ZFAND4: variants seen among roughly 807,000 people sequenced by gnomAD.
The protein encoded by ZFAND4 is zinc finger AN1-type containing 4, also known as AN1-type zinc finger protein 4.
ZFAND4 carries 43 observed loss-of-function variants against 64.4 expected under a neutral mutation model. That is an observed-to-expected ratio of 0.67 (90% CI 0.52 to 0.86). The LOEUF is 0.86. Among genes scored for constraint, ZFAND4 ranks in the 40% least tolerant of loss-of-function variants. The probability of loss-of-function intolerance (pLI) is 0.00; values close to 1 mark genes in which losing one functional copy is unlikely to be tolerated. For synonymous variants in ZFAND4, 296 were observed against 305.7 expected (o/e 0.97, Z 0.33); for missense variants, 929 against 859.8 (o/e 1.08, Z -1.01).
At chr10:45,661,697 T>C (rs1339363516) in intron 2 of ZFAND4, among the ~76,000 whole-genome samples, 2 of 152,102 alleles carry the variant, frequency 1.3e-5, no homozygotes, top group South Asian at 2.1e-4. Context: ...TCCCAGCACT[T>C]TGGGAGGCCG....
rs1294324071 is a variant in ZFAND4, at chr10:45,626,110, G to A, written c.1713C>T (p.Ala571=). 8 of 1,613,980 alleles carry A rather than the reference G, an allele frequency of 5.0e-6. No homozygotes were observed. Among genetic ancestry groups the A allele is most frequent in the Non-Finnish European group, 6.8e-6 (8 of 1,180,050 alleles). Residue 571 remains alanine, a synonymous_variant, in exon 7 of 10, where the codon GCC becomes GCT. Transcript: ENST00000344646. ...VGCVNNISFL[A]SLAGSTSRNR... ...TTCTGCTTGTGCTCCCGGCCAGTGA[G>A]GCAAGAAAACTGATATTATTTACAC... is the stretch of plus-strand genomic sequence containing the variant.
At chr10:45,666,516 T>C (rs942401400) in intron 1 of ZFAND4, among the ~76,000 whole-genome samples, 1 of 150,570 alleles carries the variant, frequency 6.6e-6, no homozygotes, top group Non-Finnish European at 1.5e-5. Context: ...TAGTATCTTT[T>C]GAAACACAAA....
chr10:45,640,373 T>C, intron 5 of ZFAND4: 1 of 1,272,144 alleles, frequency 7.9e-7, no homozygotes, highest in Non-Finnish European at 1.0e-6. Context: ...TTTTTAAATT[T>C]GGCACGGGAG....
intron 4 of ZFAND4, chr10:45,651,723 C>A (rs748189344): frequency 8.6e-6 from 5 of 580,714 alleles, no homozygotes; most frequent in African/African-American, 3.7e-5. Context: ...CCTATACTGG[C>A]AAAAGGTTTA....
intron 2 of ZFAND4, among the ~76,000 whole-genome samples, 196 bp from the exon 3 acceptor site, chr10:45,653,255 C>T (rs1445126290): frequency 6.6e-6 from 1 of 152,152 alleles, no homozygotes; most frequent in Non-Finnish European, 1.5e-5. Flanking sequence ...CCAATCCATT[C>T]ACTGTAGAAA....
At position 45,663,760 on chromosome 10, in the gene ZFAND4, G is replaced by A. The variant is rs371448473; in HGVS notation, c.-35C>T. 3.1e-5 allele frequency: 47 copies of A among 1,537,984 alleles called. No homozygotes were observed. The highest frequency in any genetic ancestry group is 1.8e-4 in the Middle Eastern group (1 of 5,484). The stretch of plus-strand genomic sequence containing the variant: ...TTTTCTAGTTCTTCTAAAATATGTC[G>A]CAGGCAACTGTATTCCAGTTCTAGG... On this transcript the variant is annotated 5_prime_UTR_variant, in exon 2 of 10. It introduces an in-frame stop codon into an upstream open reading frame of the 5' UTR. Transcript: ENST00000344646.
Position 45,625,996 on chromosome 10 carries a change from GT to G in ZFAND4, c.1826del (p.Asn609ThrfsTer9), listed in dbSNP as rs868554096. 6.2e-7 allele frequency: 1 copy of G among 1,614,084 alleles called. No homozygotes were observed. The highest frequency in any genetic ancestry group is 1.3e-5 in the African/African-American group (1 of 75,030). On this transcript the variant is annotated frameshift_variant, in exon 7 of 10. Transcript: ENST00000344646. LOFTEE classifies it high-confidence loss of function. Reference protein sequence around the residue: ...STNLQHFQEENFRKSSPQLEH... With the variant: ...STNLQHFQEEXFRKSSPQLEH... ...CTAACTGGGGAGAACTTTTCCTAAA[GT>G]TTTCTTCCTGAAAATGCTGGAGGTT...
At chr10:45,642,804 T>C (rs1157819940) in intron 5 of ZFAND4, among the ~76,000 whole-genome samples, 1 of 151,438 alleles carries the variant, frequency 6.6e-6, no homozygotes, top group Non-Finnish European at 1.5e-5. Context: ...GTTAACATAC[T>C]AATTTATAAA....
chr10:45,629,384 A>T (rs2046056651), intron 6 of ZFAND4, among the ~76,000 whole-genome samples: 3 of 152,286 alleles, frequency 2.0e-5, no homozygotes, highest in Admixed American at 6.5e-5. Context: ...AGGATAAAGG[A>T]GGTAGCTTCA....
chr10:45,651,160 G>A (rs927168906), intron 4 of ZFAND4: 3 of 155,572 alleles, frequency 1.9e-5, no homozygotes, highest in Admixed American at 6.3e-5. Context: ...CCACAGAAGA[G>A]GATGCTCTGA....
chr10:45,645,919 C>A (rs867878576), intron 5 of ZFAND4, among the ~76,000 whole-genome samples: 1 of 151,820 alleles, frequency 6.6e-6, no homozygotes, highest in Non-Finnish European at 1.5e-5. Flanking sequence ...TAAAAATGAT[C>A]AATATGTTCA....
Position 45,626,999 on chromosome 10 carries a change from A to G in ZFAND4, c.824T>C (p.Ile275Thr), listed in dbSNP as rs140742253. Residue 275 changes from isoleucine (I) to threonine (T), a missense_variant, in exon 7 of 10, where the codon ATT becomes ACT. Physicochemically the swap from Ile to Thr is moderately conservative, Grantham distance 89 (BLOSUM62 -1). Coordinates refer to ENST00000344646, the MANE Select transcript of ZFAND4 (RefSeq NM_174890.4). ...AAAAGCAGGTGAACAAGATTGACCA[A>G]TGTTGGGGAGGACCCTTAACAATCG... is the stretch of plus-strand genomic sequence containing the variant. The part of the protein sequence containing the change: ...RHRLLRVLPN[I>T]GQSCSPAFGN... The G allele has an allele frequency of 1.4e-5, 22 of 1,613,442 alleles. 1 individual carries two copies. The highest frequency in any genetic ancestry group is 1.6e-4 in the Middle Eastern group (1 of 6,082).
chr10:45,621,353 G>A (rs1030121182), intron 8 of ZFAND4, among the ~76,000 whole-genome samples: 2 of 151,414 alleles, frequency 1.3e-5, no homozygotes, highest in Non-Finnish European at 2.9e-5. Context: ...GCAGCTAGCA[G>A]CTGATACTTC....
At position 45,660,019 on chromosome 10, in the gene ZFAND4, A is replaced by G. The variant is rs377482687; in HGVS notation, c.184+3523T>C. On this transcript the variant is annotated intron_variant, in intron 2 of 9. Coordinates refer to ENST00000344646, the MANE Select transcript of ZFAND4 (RefSeq NM_174890.4). ...GGTGAAACCCCGTCTCTACTAAAAT[A>G]CAAAAAATTAGCCGGGTGTGTAGTC... Among the ~76,000 whole-genome samples, 4 of 152,226 alleles carry G rather than the reference A, an allele frequency of 2.6e-5. No homozygotes were observed. In the East Asian group the frequency reaches 7.7e-4, roughly 29 times the overall value.
At chr10:45,648,259 T>G in intron 5 of ZFAND4, 35 bp downstream of exon 5, 2 of 1,540,474 alleles carry the variant, frequency 1.3e-6, no homozygotes, top group Non-Finnish European at 8.7e-7. Flanking sequence ...TAGATTATTT[T>G]GACAACACAA....
Position 45,626,522 on chromosome 10 carries a change from C to T in ZFAND4, c.1301G>A (p.Gly434Glu), listed in dbSNP as rs1361303187. The T allele has an allele frequency of 1.9e-6, 3 of 1,614,016 alleles. No homozygotes were observed. The highest frequency in any genetic ancestry group is 2.5e-6 in the Non-Finnish European group (3 of 1,180,034). The change falls in exon 7 of 10, where the codon GGG (glycine) becomes GAG (glutamate). Residue 434 changes from glycine (G) to glutamate (E), a missense_variant. Coordinates refer to ENST00000344646, the MANE Select transcript of ZFAND4 (RefSeq NM_174890.4). ...GAGATGCTGCTCTGGAGCTTTCAAC[C>T]CTTTGTCAGCATTAGTGAGTAGCAA... ...LELLLTNADK[G>E]LKAPEQHLKH...
At chr10:45,657,113 A>G (rs558326165) in intron 2 of ZFAND4, among the ~76,000 whole-genome samples, 1 of 151,682 alleles carries the variant, frequency 6.6e-6, no homozygotes, top group South Asian at 2.1e-4. Flanking sequence ...TCCTGAGCTC[A>G]AGCGATCCTC....
chr10:45,649,204 T>A (rs2047598811), intron 4 of ZFAND4, among the ~76,000 whole-genome samples: 1 of 151,290 alleles, frequency 6.6e-6, no homozygotes, highest in Admixed American at 6.6e-5. Context: ...AGGAGACATA[T>A]CTAAGAAATT....
chr10:45,656,196 A>C (rs113157408), intron 2 of ZFAND4, among the ~76,000 whole-genome samples: 9,018 of 152,112 alleles, frequency 0.059, 380 homozygotes, highest in African/African-American at 0.12. Flanking sequence ...GCACCACTGC[A>C]CTCCAGCCTT....
Sources: gnomAD v4.1 joint callset for allele counts (sites outside exome capture counted in the v4.1 genomes callset) on GRCh38, gnomAD v4.1.1 for gene constraint, MANE v1.5 for transcripts, NCBI Gene and HGNC (gene_info 2026-07-23, HGNC 2026-07-21) for gene names.